GALNT18: variants seen among roughly 807,000 people sequenced by gnomAD.
GALNT18 encodes the protein GalNAc-transferase 18.
In GALNT18, 44 loss-of-function variants were observed where a neutral mutation model predicts 69.5. The observed-to-expected ratio is 0.63, with a 90% CI of 0.50 to 0.81. GALNT18 has a LOEUF of 0.81. GALNT18 is among the 40% of genes least tolerant of loss of function. GALNT18 has a pLI of 0.00. For missense variants in GALNT18, 715 were observed against 810.0 expected, an observed-to-expected ratio of 0.88 and a Z score of 1.42; for synonymous variants, 364 against 318.2, an observed-to-expected ratio of 1.14 and a Z score of -1.53.
At chr11:11,498,294 T>A (rs1590053923) in intron 1 of GALNT18, among the ~76,000 whole-genome samples, 1 of 152,336 alleles carries the variant, frequency 6.6e-6, no homozygotes, top group African/African-American at 2.4e-5. Flanking sequence ...ATTATGTTAG[T>A]ACAATAACAA....
intron 3 of GALNT18, among the ~76,000 whole-genome samples, chr11:11,426,706 G>T (rs1039032398): frequency 6.6e-6 from 1 of 152,154 alleles, no homozygotes; most frequent in South Asian, 2.1e-4. Flanking sequence ...AAGAAACAAG[G>T]GGTGGGGTGA....
rs1857941405 is a variant in GALNT18, at chr11:11,542,061, G to A, written c.235+79298C>T. 6.6e-6 allele frequency among the ~76,000 whole-genome samples: 1 copy of A among 152,132 alleles called. No individual in the cohort carries two copies. Among genetic ancestry groups the A allele is most frequent in the African/African-American group, 2.4e-5 (1 of 41,434 alleles). The stretch of plus-strand genomic sequence containing the variant: ...ACCACGATGTTGGATTGCTGGGAAC[G>A]CAGAGGGAAACTGCCCAGTGAGGAG... On this transcript the variant is annotated intron_variant, in intron 1 of 10. Transcript: ENST00000227756. The surrounding 1 kb of genome is among the most constrained non-coding windows in gnomAD (Gnocchi z 4.3).
rs1038947492 is a variant in GALNT18 at position 11,463,493 on chromosome 11, T to C, written c.236-14557A>G. Among the ~76,000 whole-genome samples the C allele has an allele frequency of 2.0e-5, 3 of 152,178 alleles. No individual in the cohort carries two copies. The highest frequency in any genetic ancestry group is 2.9e-5 in the Non-Finnish European group (2 of 68,038). On this transcript the variant is annotated intron_variant, in intron 1 of 10. Transcript: ENST00000227756. This position sits in a 1 kb window ranked among gnomAD's most constrained non-coding sequence, Gnocchi z 4.2. ...CCAGGGCCCCAGCGAGGTTGAGGTC[T>C]GCTTACACGTCCCCTGGGAGCCCTA...
At chr11:11,411,844 C>T (rs1432266873) in intron 3 of GALNT18, among the ~76,000 whole-genome samples, 6 of 152,194 alleles carry the variant, frequency 3.9e-5, no homozygotes, top group Non-Finnish European at 7.3e-5. Flanking sequence ...CACAGGGAGC[C>T]CTGGGGCATA....
chr11:11,614,327 G>A lies in GALNT18; in HGVS notation c.235+7032C>T, dbSNP rs1859991333. ...ATGTCACATAGTGAGAGAGGGGTGA[G>A]AGAGAGAGGCAAGAGAGTGAGGAGA... On this transcript the variant is annotated intron_variant, in intron 1 of 10. Transcript: ENST00000227756. This position sits in a 1 kb window ranked among gnomAD's most constrained non-coding sequence, Gnocchi z 5.6. Among the ~76,000 whole-genome samples, 1 of 151,222 alleles carries A rather than the reference G, an allele frequency of 6.6e-6. No individual in the cohort carries two copies. Among genetic ancestry groups the A allele is most frequent in the East Asian group, 2.0e-4 (1 of 5,114 alleles).
intron 1 of GALNT18, among the ~76,000 whole-genome samples, chr11:11,530,202 G>C (rs1215281911): frequency 7.1e-6 from 1 of 141,462 alleles, no homozygotes; most frequent in African/African-American, 2.5e-5. Flanking sequence ...CAGCCCTAAA[G>C]CAACTCAGAG....
At chr11:11,556,012 T>C (rs1858324413) in intron 1 of GALNT18, among the ~76,000 whole-genome samples, 1 of 152,214 alleles carries the variant, frequency 6.6e-6, no homozygotes, top group South Asian at 2.1e-4. Context: ...CAACAGACCA[T>C]CAGTGCCAGG....
intron 10 of GALNT18, among the ~76,000 whole-genome samples, chr11:11,272,107 T>C (rs1037273278): frequency 1.3e-5 from 2 of 152,208 alleles, no homozygotes; most frequent in Admixed American, 6.5e-5. Context: ...GAGGTTCTTA[T>C]AATTGGACCC....
At chr11:11,405,039 G>A (rs922466312) in intron 3 of GALNT18, among the ~76,000 whole-genome samples, 2 of 152,164 alleles carry the variant, frequency 1.3e-5, no homozygotes, top group African/African-American at 4.8e-5. Flanking sequence ...TATGTCAGGT[G>A]GCCAGACACC....
At chr11:11,275,543 C>T (rs1848925478) in intron 10 of GALNT18, among the ~76,000 whole-genome samples, 1 of 152,212 alleles carries the variant, frequency 6.6e-6, no homozygotes, top group African/African-American at 2.4e-5. Flanking sequence ...TTAATTAGAT[C>T]CCATTTGTCA....
rs1855230494 is a variant in GALNT18 at position 11,430,017 on chromosome 11, G to T, written c.595+2604C>A. ...TTAGCCCGGCATGGTGGATGCACCT[G>T]TCGTCCCAGCTACTCGGGAGGCTAA... is the stretch of plus-strand genomic sequence containing the variant. On this transcript the variant is annotated intron_variant, in intron 3 of 10. Coordinates refer to ENST00000227756, the MANE Select transcript of GALNT18 (RefSeq NM_198516.3). The surrounding 1 kb of genome is among the most constrained non-coding windows in gnomAD (Gnocchi z 4.9). Among the ~76,000 whole-genome samples the T allele has an allele frequency of 6.6e-6, 1 of 152,056 alleles. No homozygotes were observed. Among genetic ancestry groups the T allele is most frequent in the Admixed American group, 6.5e-5 (1 of 15,268 alleles).
intron 2 of GALNT18, among the ~76,000 whole-genome samples, chr11:11,443,118 A>G (rs1326561554): frequency 6.6e-6 from 1 of 152,206 alleles, no homozygotes; most frequent in African/African-American, 2.4e-5. Context: ...AGAATGTGAC[A>G]TGAGTCTGAG....
chr11:11,593,885 A>T (rs1374045372), intron 1 of GALNT18, among the ~76,000 whole-genome samples: 3 of 152,280 alleles, frequency 2.0e-5, no homozygotes, highest in African/African-American at 7.2e-5. Context: ...GCTCATTGGA[A>T]TATGATTCCC....
At chr11:11,295,048 G>A (rs991133985) in intron 9 of GALNT18, among the ~76,000 whole-genome samples, 1 of 152,218 alleles carries the variant, frequency 6.6e-6, no homozygotes, top group Admixed American at 6.5e-5. Flanking sequence ...TAGCAAAAGA[G>A]GGTGGTTGAC....
chr11:11,316,309 C>A (rs1450282805), intron 9 of GALNT18, among the ~76,000 whole-genome samples: 1 of 152,094 alleles, frequency 6.6e-6, no homozygotes, highest in African/African-American at 2.4e-5. Flanking sequence ...GAGAAATTTG[C>A]CAAAGGCCAC....
At chr11:11,416,962 G>A (rs1451379468) in intron 3 of GALNT18, among the ~76,000 whole-genome samples, 1 of 152,240 alleles carries the variant, frequency 6.6e-6, no homozygotes, top group African/African-American at 2.4e-5. Flanking sequence ...CTGACAAGCT[G>A]TCCTAAGTGA....
rs1860197289 is a variant in GALNT18, at chr11:11,621,647, C to T, written c.-54G>A. 2.3e-6 allele frequency: 3 copies of T among 1,331,712 alleles called. No individual in the cohort carries two copies. The highest frequency in any genetic ancestry group is 3.1e-6 in the Non-Finnish European group (3 of 955,880). 82.5% of individuals were successfully genotyped at this position (1,331,712 alleles called of 1,614,324 possible). ...CCGGGGGCCCTTCCTTGTCGTGCGC[C>T]CCGAACTCCCCCGCGCTCGCACCCC... On this transcript the variant is annotated 5_prime_UTR_variant, in exon 1 of 11. Coordinates refer to ENST00000227756, the MANE Select transcript of GALNT18 (RefSeq NM_198516.3). The surrounding 1 kb of genome is among the most constrained non-coding windows in gnomAD (Gnocchi z 9.3).
At position 11,309,002 on chromosome 11, in the gene GALNT18, TC is replaced by T. The variant is rs1849626733; in HGVS notation, c.1513-15810del. Among the ~76,000 whole-genome samples the T allele has an allele frequency of 6.6e-6, 1 of 152,156 alleles. No homozygotes were observed. Among genetic ancestry groups the T allele is most frequent in the Non-Finnish European group, 1.5e-5 (1 of 68,030 alleles). On this transcript the variant is annotated intron_variant, in intron 9 of 10. Coordinates refer to ENST00000227756, the MANE Select transcript of GALNT18 (RefSeq NM_198516.3). This position sits in a 1 kb window ranked among gnomAD's most constrained non-coding sequence, Gnocchi z 4.6. ...ATCACCTTGCTGTGGTTTGACTGTG[TC>T]CCCCAAAGTTCATGTGTTGAAAACT...
chr11:11,585,578 A>T (rs1044465280), intron 1 of GALNT18, among the ~76,000 whole-genome samples: 1 of 151,804 alleles, frequency 6.6e-6, no homozygotes, highest in African/African-American at 2.4e-5. Flanking sequence ...CTGGTCTCGA[A>T]CTCCCGACCT....
Sources: gnomAD v4.1 joint callset for allele counts (sites outside exome capture counted in the v4.1 genomes callset) on GRCh38, gnomAD v4.1.1 for gene constraint, Gnocchi (gnomAD v3.1) non-coding constraint, MANE v1.5 for transcripts, NCBI Gene and HGNC (gene_info 2026-07-23, HGNC 2026-07-21) for gene names.